ZNF547: variants seen among roughly 807,000 people sequenced by gnomAD.
ZNF547 encodes zinc finger protein 547.
In ZNF547, 4 loss-of-function variants were observed where a neutral mutation model predicts 7.7. The observed-to-expected ratio is 0.52, with a 90% CI of 0.26 to 1.20. The LOEUF is 1.20. ZNF547 is among the 50% of genes most tolerant of loss of function. The probability of loss-of-function intolerance (pLI) is 0.14; values close to 1 mark genes in which losing one functional copy is unlikely to be tolerated. For synonymous variants in ZNF547, 166 were observed against 166.2 expected (o/e 1.00, Z 0.01); for missense variants, 449 against 485.8 (o/e 0.92, Z 0.71).
chr19:57,377,562 A>G lies in ZNF547; in HGVS notation c.586A>G (p.Arg196Gly), dbSNP rs1185916023. Reference sequence around the variant, plus strand: ...CAAATGTGGGATATTGTTTATGGAAAGGTCCACACTCAATAGACATCAGAG... The same window carrying G: ...CAAATGTGGGATATTGTTTATGGAAGGGTCCACACTCAATAGACATCAGAG... ...CSKCGILFME[R>G]STLNRHQRTH... Residue 196 changes from arginine to glycine, a missense_variant, in exon 4 of 4, where the codon AGG becomes GGG. Transcript: ENST00000282282. 6.2e-7 allele frequency: 1 copy of G among 1,614,262 alleles called. No individual in the cohort carries two copies. The highest frequency in any genetic ancestry group is 1.1e-5 in the South Asian group (1 of 91,088).
intron 3 of ZNF547, among the ~76,000 whole-genome samples, chr19:57,372,553 G>A (rs1321138965): frequency 3.3e-5 from 5 of 152,180 alleles, no homozygotes; most frequent in African/African-American, 1.2e-4. Context: ...CCTGGGAGTT[G>A]GGAAAAGGTG....
chr19:57,375,638 G>A (rs1253525768), intron 3 of ZNF547, among the ~76,000 whole-genome samples: 63 of 142,824 alleles, frequency 4.4e-4, no homozygotes, highest in African/African-American at 1.6e-3. Flanking sequence ...CTCCAGGCTC[G>A]GGGAAAGAAT....
intron 1 of ZNF547, chr19:57,368,223 A>G (rs935327576): frequency 2.0e-5 from 5 of 246,734 alleles, no homozygotes; most frequent in Non-Finnish European, 2.3e-5. Context: ...CTGAAAACAT[A>G]TAGTAAACCA....
At chr19:57,370,237 AAACTTAC>A (rs1424925073) in intron 2 of ZNF547, among the ~76,000 whole-genome samples, 1 of 152,144 alleles carries the variant, frequency 6.6e-6, no homozygotes, top group African/African-American at 2.4e-5. Flanking sequence ...AGGCCTCAGG[AAACTTAC>A]AATCCTGTGT....
chr19:57,366,602 T>A (rs1206391836), intron 1 of ZNF547, among the ~76,000 whole-genome samples: 5 of 137,692 alleles, frequency 3.6e-5, no homozygotes, highest in Non-Finnish European at 6.1e-5. Context: ...CAGGCTGGAG[T>A]GCAGTGGCGC....
At chr19:57,374,803 A>G (rs6510067) in intron 3 of ZNF547, among the ~76,000 whole-genome samples, 143,138 of 152,254 alleles carry the variant, frequency 0.94, 67,375 homozygotes, top group Middle Eastern at 0.98. Context: ...CCTCATCTCC[A>G]TCTAAGACCA....
In ZNF547 at chr19:57,378,231, C is replaced by G. The variant is rs1337465244; in HGVS notation, c.*46C>G. 3 of 1,534,240 alleles carry G rather than the reference C, an allele frequency of 2.0e-6. No individual in the cohort carries two copies. The highest frequency in any genetic ancestry group is 2.7e-6 in the Non-Finnish European group (3 of 1,127,822). ...ATATGGGAAAGCCTTCAGTCACCAACATATTGTGGCTGGACAGCAGGCAGT... is the reference window on the plus strand; with the variant it reads ...ATATGGGAAAGCCTTCAGTCACCAAGATATTGTGGCTGGACAGCAGGCAGT... On this transcript the variant is annotated 3_prime_UTR_variant, in exon 4 of 4. Transcript: ENST00000282282.
At chr19:57,364,801 G>A (rs1462832313) in intron 1 of ZNF547, 2 of 1,549,476 alleles carry the variant, frequency 1.3e-6, no homozygotes, top group East Asian at 2.3e-5. Flanking sequence ...TCCGTTGTCG[G>A]CCTCCCGCTG....
intron 3 of ZNF547, among the ~76,000 whole-genome samples, chr19:57,375,117 G>GAGGA (rs2088528058): frequency 1.3e-5 from 2 of 152,082 alleles, no homozygotes; most frequent in Non-Finnish European, 2.9e-5. Context: ...TTGGGAGGCT[G>GAGGA]GGGCAGGTGG....
intron 3 of ZNF547, among the ~76,000 whole-genome samples, chr19:57,375,695 C>G (rs1369013752): frequency 6.7e-6 from 1 of 149,920 alleles, no homozygotes. Flanking sequence ...AAAGACATAC[C>G]CGAGACTGGA....
intron 1 of ZNF547, among the ~76,000 whole-genome samples, chr19:57,367,038 T>A (rs1228304516): frequency 1.3e-5 from 2 of 152,254 alleles, no homozygotes; most frequent in African/African-American, 4.8e-5. Context: ...AGTGTGTTGC[T>A]TCTGTCACTT....
At position 57,378,377 on chromosome 19, in the gene ZNF547, AT is replaced by A; in HGVS notation, c.*196del. 1 of 721,032 alleles carries A rather than the reference AT, an allele frequency of 1.4e-6. No individual in the cohort carries two copies. Among genetic ancestry groups the A allele is most frequent in the Non-Finnish European group, 2.5e-6 (1 of 402,938 alleles). 44.7% of individuals were successfully genotyped at this position (721,032 alleles called of 1,614,324 possible). ...GTGTGTTCAGCAAACTCGGGACATT[AT>A]TTTGGTTTGACTCTCATCTCATTAG... On this transcript the variant is annotated 3_prime_UTR_variant, in exon 4 of 4. Coordinates refer to ENST00000282282, the MANE Select transcript of ZNF547 (RefSeq NM_173631.4).
At chr19:57,372,000 T>C in intron 3 of ZNF547, 92 bp downstream of exon 3, 3 of 1,472,968 alleles carry the variant, frequency 2.0e-6, no homozygotes, top group East Asian at 2.3e-5. Flanking sequence ...AGTGAGACCA[T>C]GGGTGCTGCT....
chr19:57,367,426 GAAAAAA>G (rs750776299), intron 1 of ZNF547, among the ~76,000 whole-genome samples: 3 of 65,712 alleles, frequency 4.6e-5, no homozygotes, highest in African/African-American at 1.3e-4. Context: ...GTTTGTTCAA[GAAAAAA>G]AAAAAAAAAA....
chr19:57,367,858 A>T (rs1407785820), intron 1 of ZNF547, among the ~76,000 whole-genome samples: 1 of 152,332 alleles, frequency 6.6e-6, no homozygotes, highest in East Asian at 1.9e-4. Flanking sequence ...TGGATGATCT[A>T]CTGCCCCAGT....
Position 57,368,578 on chromosome 19 carries a change from A to C in ZNF547, c.23A>C (p.Gln8Pro). Residue 8 changes from glutamine to proline, a missense_variant and splice_region_variant, in exon 2 of 4, where the codon CAG (glutamine) becomes CCG (proline). Coordinates refer to ENST00000282282, the MANE Select transcript of ZNF547 (RefSeq NM_173631.4). MAEMNPA[Q>P]GHVVFEDVAI... ...GCGATGGCAGAAATGAACCCTGCACAGGTGAGTGGAGTGTTTTCTACCTTT... is the reference window on the plus strand; with the variant it reads ...GCGATGGCAGAAATGAACCCTGCACCGGTGAGTGGAGTGTTTTCTACCTTT... The C allele has an allele frequency of 6.2e-7, 1 of 1,614,140 alleles. No individual in the cohort carries two copies.
In ZNF547 at chr19:57,377,839, G is replaced by GA. The variant is rs759679933; in HGVS notation, c.865dup (p.Ile289AsnfsTer12). On this transcript the variant is annotated frameshift_variant, in exon 4 of 4. Transcript: ENST00000282282. LOFTEE classifies it low-confidence loss of function (END_TRUNC). ...AACTCAAACCTCTTTAGGCATTACAGAATTCATACAGGAAAAAGGTCTTAT... is the reference window on the plus strand; with the variant it reads ...AACTCAAACCTCTTTAGGCATTACAGAAATTCATACAGGAAAAAGGTCTTAT... The GA allele has an allele frequency of 9.3e-6, 15 of 1,613,690 alleles. No homozygotes were observed.
At chr19:57,365,862 C>CTTTT (rs111817651) in intron 1 of ZNF547, among the ~76,000 whole-genome samples, 1 of 139,272 alleles carries the variant, frequency 7.2e-6, no homozygotes, top group Non-Finnish European at 1.6e-5. Flanking sequence ...TTCTTTCTTT[C>CTTTT]TTTTTTTTTT....
rs747828436 is a variant in ZNF547, at chr19:57,377,163, T to G, written c.187T>G (p.Leu63Val). Residue 63 changes from leucine (L) to valine (V), a missense_variant, in exon 4 of 4, where the codon TTA (leucine) becomes GTA (valine). Transcript: ENST00000282282. Reference protein sequence around the residue: ...CHGAEDEEAPLEPGVSVGVSQ... With the variant: ...CHGAEDEEAPVEPGVSVGVSQ... ...TGGAGCTGAGGATGAGGAGGCACCTTTAGAGCCAGGTGTTTCTGTAGGAGT... is the reference window on the plus strand; with the variant it reads ...TGGAGCTGAGGATGAGGAGGCACCTGTAGAGCCAGGTGTTTCTGTAGGAGT... 14 of 1,614,026 alleles carry G rather than the reference T, an allele frequency of 8.7e-6. No individual in the cohort carries two copies. The highest frequency in any genetic ancestry group is 3.4e-6 in the Non-Finnish European group (4 of 1,180,004).
Sources: allele counts gnomAD v4.1 joint callset (sites outside exome capture counted in the v4.1 genomes callset), GRCh38; gene constraint gnomAD v4.1.1; transcripts MANE v1.5; gene names NCBI Gene and HGNC (gene_info 2026-07-23, HGNC 2026-07-21).